The following ADGRL3 variants were observed in gnomAD, a reference collection of about 807,000 sequenced individuals.
The protein encoded by ADGRL3 is calcium-independent alpha-latrotoxin receptor 3.
A neutral mutation model predicts 153.5 loss-of-function variants in ADGRL3; 62 were observed. The observed-to-expected ratio is 0.40, with a 90% CI of 0.33 to 0.50. ADGRL3 has a LOEUF of 0.50. ADGRL3 is among the 20% of genes least tolerant of loss of function. The pLI is 0.47. For synonymous variants in ADGRL3, 710 were observed against 672.5 expected (o/e 1.06, Z -0.86); for missense variants, 1,641 against 1,859.4 (o/e 0.88, Z 2.16).
intron 1 of ADGRL3, among the ~76,000 whole-genome samples, chr4:61,223,650 A>T: frequency 6.6e-6 from 1 of 152,122 alleles, no homozygotes; most frequent in East Asian, 1.9e-4. Context: ...GTTTTCTCTA[A>T]TGTTGAGGGT....
At chr4:62,052,725 A>T (rs574484125) in intron 25 of ADGRL3, among the ~76,000 whole-genome samples, 9 of 151,316 alleles carry the variant, frequency 5.9e-5, no homozygotes, top group African/African-American at 1.9e-4. Context: ...GAGGGCAAAG[A>T]TTATGTTAGA....
At position 61,733,697 on chromosome 4, in the gene ADGRL3, A is replaced by G. The variant is rs2096471464; in HGVS notation, c.1399+143A>G. On this transcript the variant is annotated intron_variant, in intron 8 of 26. Coordinates refer to ENST00000683033, the MANE Select transcript of ADGRL3 (RefSeq NM_001387552.1). ...TTGTTCTTTGTCTTTGCATCTAAAG[A>G]AGGTTGCTGCTGATCACTTTCAGCT... The G allele has an allele frequency of 4.9e-5, 32 of 651,418 alleles. No individual in the cohort carries two copies. In the South Asian group the frequency reaches 6.4e-4, roughly 13 times the overall value. 40.4% of individuals were successfully genotyped at this position (651,418 alleles called of 1,614,324 possible). A position where few individuals can be genotyped will look rare whatever the true frequency, so the allele number is the denominator to read the frequency against.
chr4:61,464,835 G>T (rs545838413), intron 2 of ADGRL3, among the ~76,000 whole-genome samples: 17 of 152,186 alleles, frequency 1.1e-4, no homozygotes, highest in African/African-American at 4.1e-4. Context: ...TCACTTTACT[G>T]CCTCTTCTCA....
At chr4:61,745,395 G>C (rs2151969284) in intron 8 of ADGRL3, among the ~76,000 whole-genome samples, 1 of 151,548 alleles carries the variant, frequency 6.6e-6, no homozygotes, top group South Asian at 2.1e-4. Context: ...GCAACTCCAA[G>C]ACACATAATT....
At position 61,810,525 on chromosome 4, in the gene ADGRL3, A is replaced by G. The variant is rs113557895; in HGVS notation, c.1400-3284A>G. Among the ~76,000 whole-genome samples, 95 of 152,310 alleles carry G rather than the reference A, an allele frequency of 6.2e-4. No homozygotes were observed. The Middle Eastern group carries it at 0.01, about 16-fold the overall frequency. On this transcript the variant is annotated intron_variant, in intron 8 of 26. Transcript: ENST00000683033. ...GAAAGAGAGAAGAGCCTTTTCCTGTACCAAATGCTGGTCAAGTCCTTTTTC... is the reference window on the plus strand; with the variant it reads ...GAAAGAGAGAAGAGCCTTTTCCTGTGCCAAATGCTGGTCAAGTCCTTTTTC...
chr4:61,563,125 G>A (rs984729051), intron 4 of ADGRL3, among the ~76,000 whole-genome samples: 1 of 152,070 alleles, frequency 6.6e-6, no homozygotes, highest in South Asian at 2.1e-4. Flanking sequence ...ACACTTGAAA[G>A]TTGAAATTAC....
At chr4:61,278,949 G>A (rs1256837426) in intron 1 of ADGRL3, among the ~76,000 whole-genome samples, 1 of 152,180 alleles carries the variant, frequency 6.6e-6, no homozygotes, top group Non-Finnish European at 1.5e-5. Flanking sequence ...ATGCAGGCAT[G>A]CCAACGCTTA....
intron 15 of ADGRL3, among the ~76,000 whole-genome samples, chr4:61,946,384 A>G (rs905433031): frequency 6.6e-5 from 10 of 152,064 alleles, no homozygotes; most frequent in Non-Finnish European, 8.8e-5. Flanking sequence ...GTGTATTTAC[A>G]TCTTTTGCCA....
chr4:61,744,775 C>T (rs1325153041), intron 8 of ADGRL3, among the ~76,000 whole-genome samples: 1 of 152,156 alleles, frequency 6.6e-6, no homozygotes. Flanking sequence ...AAAAACAGAG[C>T]AGAAAAACTG....
chr4:61,823,830 G>A (rs906998488), intron 9 of ADGRL3, among the ~76,000 whole-genome samples: 3 of 152,116 alleles, frequency 2.0e-5, no homozygotes, highest in Non-Finnish European at 4.4e-5. Flanking sequence ...GAGAGGATGA[G>A]GGGGGTGGTT....
chr4:61,846,676 G>C (rs1172226589), intron 9 of ADGRL3, among the ~76,000 whole-genome samples: 1 of 152,072 alleles, frequency 6.6e-6, no homozygotes, highest in Non-Finnish European at 1.5e-5. Flanking sequence ...AATTTATAAA[G>C]AAAAGAGGTT....
intron 2 of ADGRL3, among the ~76,000 whole-genome samples, chr4:61,394,818 T>TA (rs2096851882): frequency 6.6e-6 from 1 of 152,070 alleles, no homozygotes; most frequent in Non-Finnish European, 1.5e-5. Context: ...AATTGCCTCT[T>TA]ACAAGTGTAA....
intron 5 of ADGRL3, among the ~76,000 whole-genome samples, chr4:61,615,583 T>TGTGTGG (rs2091911713): frequency 1.3e-5 from 2 of 150,868 alleles, no homozygotes. Context: ...ATATTGTGTG[T>TGTGTGG]GTGTGTGTGT....
intron 6 of ADGRL3, among the ~76,000 whole-genome samples, chr4:61,695,319 A>G (rs1324205285): frequency 6.6e-6 from 1 of 152,232 alleles, no homozygotes; most frequent in African/African-American, 2.4e-5. Context: ...CAGAATGAAT[A>G]TTGTGTTAGC....
chr4:61,461,152 C>T (rs2097810052), intron 2 of ADGRL3, among the ~76,000 whole-genome samples: 1 of 152,082 alleles, frequency 6.6e-6, no homozygotes, highest in African/African-American at 2.4e-5. Context: ...AAACTGCCTA[C>T]ATGATTGAAT....
At chr4:61,489,515 T>C (rs2098234224) in intron 2 of ADGRL3, among the ~76,000 whole-genome samples, 1 of 152,070 alleles carries the variant, frequency 6.6e-6, no homozygotes, top group Non-Finnish European at 1.5e-5. Context: ...AAGTCATTAC[T>C]GCCAGATGCA....
intron 5 of ADGRL3, among the ~76,000 whole-genome samples, chr4:61,628,637 C>T (rs2092973515): frequency 6.6e-6 from 1 of 152,096 alleles, no homozygotes; most frequent in Non-Finnish European, 1.5e-5. Flanking sequence ...GGTTTCCTAG[C>T]ATGGAAGATG....
At chr4:61,424,465 G>T (rs1042465095) in intron 2 of ADGRL3, among the ~76,000 whole-genome samples, 1 of 152,014 alleles carries the variant, frequency 6.6e-6, no homozygotes, top group South Asian at 2.1e-4. Context: ...TCCCTGTTAC[G>T]CTCCCCATGA....
Position 61,201,666 on chromosome 4 carries a change from C to G in ADGRL3, c.-339C>G, listed in dbSNP as rs1734712711. On this transcript the variant is annotated 5_prime_UTR_variant, in exon 1 of 27. Transcript: ENST00000683033. ...GGTGTCTGCACAGGGGCCGGCCGGTCTTTTGCCCCGGGCTCAATGGCTGGA... is the reference window on the plus strand; with the variant it reads ...GGTGTCTGCACAGGGGCCGGCCGGTGTTTTGCCCCGGGCTCAATGGCTGGA... 1 of 152,456 alleles carries G rather than the reference C, an allele frequency of 6.6e-6. No individual in the cohort carries two copies. The highest frequency in any genetic ancestry group is 2.4e-5 in the African/African-American group (1 of 41,474). 9.4% of individuals were successfully genotyped at this position (152,456 alleles called of 1,614,324 possible).
Sources: gnomAD v4.1 joint callset for allele counts (sites outside exome capture counted in the v4.1 genomes callset) on GRCh38, gnomAD v4.1.1 for gene constraint, MANE v1.5 for transcripts, NCBI Gene and HGNC (gene_info 2026-07-23, HGNC 2026-07-21) for gene names.